MTUS2: variants seen among roughly 807,000 people sequenced by gnomAD.
The protein encoded by MTUS2 is microtubule associated scaffold protein 2.
MTUS2 carries 40 observed loss-of-function variants against 114.1 expected under a neutral mutation model. The ratio of observed to expected loss-of-function variants is 0.35; its 90% confidence interval spans 0.27 to 0.46. The LOEUF (loss-of-function observed/expected upper bound fraction) is 0.46, where lower values mean the gene tolerates loss of function less well. Ranked by LOEUF, MTUS2 falls within the 20% of genes least tolerant of loss-of-function variation. MTUS2 has a pLI of 1.00. For synonymous variants in MTUS2, 688 were observed against 672.0 expected, an observed-to-expected ratio of 1.02 and a Z score of -0.37; for missense variants, 1,679 against 1,705.4, an observed-to-expected ratio of 0.98 and a Z score of 0.27.
chr13:29,241,962 G>A (rs546430290), intron 5 of MTUS2, among the ~76,000 whole-genome samples: 11 of 152,108 alleles, frequency 7.2e-5, no homozygotes, highest in South Asian at 4.2e-4. Flanking sequence ...TTTCCTGCCC[G>A]CTCACCCTGG....
At chr13:29,420,623 T>A (rs1360408156) in intron 8 of MTUS2, among the ~76,000 whole-genome samples, 1 of 152,182 alleles carries the variant, frequency 6.6e-6, no homozygotes. Context: ...TTGACTGATA[T>A]TCAGCTTATG....
chr13:28,967,706 TCAGCCACCTCACACACA>T (rs1231231567), intron 2 of MTUS2, among the ~76,000 whole-genome samples: 1 of 152,138 alleles, frequency 6.6e-6, no homozygotes, highest in African/African-American at 2.4e-5. Context: ...CCTTCTCAAG[TCAGCCACCTCACACACA>T]CATGCCCTTG....
intron 9 of MTUS2, among the ~76,000 whole-genome samples, chr13:29,448,025 C>T (rs536037423): frequency 2.0e-4 from 31 of 152,188 alleles, no homozygotes; most frequent in Admixed American, 1.6e-3. Context: ...TATCTCCTTT[C>T]GAGATCATAT....
chr13:29,156,685 A>G (rs1049513635), intron 5 of MTUS2, among the ~76,000 whole-genome samples: 1 of 152,194 alleles, frequency 6.6e-6, no homozygotes, highest in Non-Finnish European at 1.5e-5. Context: ...GGCAAGTCTC[A>G]TTAACTCCAA....
intron 4 of MTUS2, among the ~76,000 whole-genome samples, chr13:29,060,886 C>T (rs532830376): frequency 2.7e-5 from 4 of 148,998 alleles, no homozygotes; most frequent in South Asian, 2.1e-4. Context: ...CTGCAAGCTC[C>T]GCTTCCTGGG....
intron 2 of MTUS2, among the ~76,000 whole-genome samples, chr13:28,969,465 T>G (rs549965805): frequency 3.9e-5 from 6 of 152,162 alleles, no homozygotes; most frequent in South Asian, 2.1e-4. Context: ...TTATGATGAT[T>G]ATTATTTTTG....
chr13:29,462,459 C>T (rs1168006093), intron 9 of MTUS2, among the ~76,000 whole-genome samples: 1 of 151,744 alleles, frequency 6.6e-6, no homozygotes, highest in Non-Finnish European at 1.5e-5. Flanking sequence ...GGAGAGAAAA[C>T]AGTTGGGGCC....
rs577364317 is a variant in MTUS2, at chr13:28,821,863, CA to C, written c.-316+1253del. ...AAGGGGACACATCAGAGAATTACAG[CA>C]TGTAGACTTTTGTGTTTTGTCTAAA... On this transcript the variant is annotated intron_variant, in intron 1 of 15. Transcript: ENST00000612955. Among the ~76,000 whole-genome samples the C allele has an allele frequency of 2.4e-3, 365 of 152,292 alleles. 1 individual carries two copies. The highest frequency in any genetic ancestry group is 8.1e-3 in the African/African-American group (338 of 41,560).
intron 4 of MTUS2, among the ~76,000 whole-genome samples, chr13:29,073,142 C>G (rs1889021716): frequency 6.6e-6 from 1 of 152,164 alleles, no homozygotes; most frequent in East Asian, 1.9e-4. Flanking sequence ...AATGATACAA[C>G]ACGACCCAAA....
chr13:29,281,475 G>A (rs1898266372), intron 5 of MTUS2, among the ~76,000 whole-genome samples: 1 of 151,786 alleles, frequency 6.6e-6, no homozygotes, highest in South Asian at 2.1e-4. Context: ...TGGCTTTTGT[G>A]GAGCCCCGTT....
intron 2 of MTUS2, among the ~76,000 whole-genome samples, chr13:28,852,865 A>G (rs1183707694): frequency 6.7e-6 from 1 of 149,696 alleles, no homozygotes; most frequent in East Asian, 1.9e-4. Flanking sequence ...ACATACATAC[A>G]TACATCCTGG....
intron 5 of MTUS2, among the ~76,000 whole-genome samples, chr13:29,128,470 G>A (rs911092983): frequency 2.6e-5 from 4 of 152,084 alleles, no homozygotes; most frequent in Non-Finnish European, 5.9e-5. Flanking sequence ...GGATTATTTC[G>A]CATTATAAAT....
chr13:29,038,262 G>A (rs533045838), intron 4 of MTUS2, among the ~76,000 whole-genome samples: 1 of 152,146 alleles, frequency 6.6e-6, no homozygotes, highest in East Asian at 1.9e-4. Context: ...TGATATTATT[G>A]GATTCTGTTA....
At chr13:29,042,034 G>C (rs1887387752) in intron 4 of MTUS2, among the ~76,000 whole-genome samples, 1 of 152,148 alleles carries the variant, frequency 6.6e-6, no homozygotes, top group South Asian at 2.1e-4. Flanking sequence ...GGGCATCCTT[G>C]ACTTGTTCCA....
intron 1 of MTUS2, among the ~76,000 whole-genome samples, chr13:28,830,020 A>C (rs1874555672): frequency 6.6e-6 from 1 of 152,026 alleles, no homozygotes; most frequent in Non-Finnish European, 1.5e-5. Flanking sequence ...ACCCCCCAAC[A>C]CGCGTAATCC....
chr13:28,936,951 T>C (rs1260938746), intron 2 of MTUS2, among the ~76,000 whole-genome samples: 6 of 152,192 alleles, frequency 3.9e-5, no homozygotes, highest in East Asian at 3.8e-4. Flanking sequence ...GATGTGACCT[T>C]CTGTATGGGA....
intron 9 of MTUS2, among the ~76,000 whole-genome samples, chr13:29,456,961 C>A (rs1244733253): frequency 1.3e-5 from 2 of 151,264 alleles, no homozygotes; most frequent in Non-Finnish European, 2.9e-5. Flanking sequence ...CATGGTGAAA[C>A]CCCGTCTCTA....
intron 5 of MTUS2, among the ~76,000 whole-genome samples, chr13:29,270,819 G>T (rs1897856269): frequency 6.6e-6 from 1 of 152,160 alleles, no homozygotes; most frequent in Admixed American, 6.5e-5. Context: ...CCTCTGACAG[G>T]CACACAGCCA....
At chr13:29,191,946 G>C (rs1593581407) in intron 5 of MTUS2, among the ~76,000 whole-genome samples, 1 of 152,154 alleles carries the variant, frequency 6.6e-6, no homozygotes, top group South Asian at 2.1e-4. Context: ...TGTCAGAGAT[G>C]TGGTGACTAC....
Sources: gnomAD v4.1 joint callset for allele counts (sites outside exome capture counted in the v4.1 genomes callset) on GRCh38, gnomAD v4.1.1 for gene constraint, MANE v1.5 for transcripts, NCBI Gene and HGNC (gene_info 2026-07-23, HGNC 2026-07-21) for gene names.